The following KCNN3 variants were observed in gnomAD, a reference collection of about 807,000 sequenced individuals.
KCNN3 encodes the protein potassium calcium-activated channel subfamily N member 3.
In KCNN3, 16 loss-of-function variants were observed where a neutral mutation model predicts 62.9. The observed-to-expected ratio is 0.25, with a 90% CI of 0.17 to 0.39. The LOEUF (loss-of-function observed/expected upper bound fraction) is 0.39. Ranked by LOEUF, KCNN3 falls within the 10% of genes least tolerant of loss-of-function variation. KCNN3 has a pLI of 1.00. For synonymous variants in KCNN3, 370 were observed against 389.2 expected, an observed-to-expected ratio of 0.95 and a Z score of 0.58; for missense variants, 599 against 949.4, an observed-to-expected ratio of 0.63 and a Z score of 4.85.
chr1:154,771,941 A>G, intron 3 of KCNN3, 34 bp downstream of exon 3: 2 of 1,609,440 alleles, frequency 1.2e-6, no homozygotes, highest in Non-Finnish European at 1.7e-6. Flanking sequence ...GTCCCAGCAC[A>G]GGCTCTGTAC....
chr1:154,763,224 T>C (rs948953531), intron 3 of KCNN3, among the ~76,000 whole-genome samples: 1 of 152,200 alleles, frequency 6.6e-6, no homozygotes, highest in Non-Finnish European at 1.5e-5. Flanking sequence ...TTTTAGAAGT[T>C]GGTATCTTTT....
chr1:154,771,525 A>C (rs374486301), intron 3 of KCNN3, among the ~76,000 whole-genome samples: 9 of 152,360 alleles, frequency 5.9e-5, no homozygotes, highest in African/African-American at 2.2e-4. Context: ...GCAAGGTACC[A>C]ATAGTGCTTT....
At chr1:154,743,169 T>C (rs1267422809) in intron 3 of KCNN3, among the ~76,000 whole-genome samples, 1 of 147,332 alleles carries the variant, frequency 6.8e-6, no homozygotes, top group Non-Finnish European at 1.5e-5. Flanking sequence ...TCCTCTCACC[T>C]GGACCAGCCC....
intron 5 of KCNN3, among the ~76,000 whole-genome samples, chr1:154,718,953 A>T (rs1005700713): frequency 6.6e-6 from 1 of 152,182 alleles, no homozygotes; most frequent in Admixed American, 6.5e-5. Flanking sequence ...GAAAACATAC[A>T]ACAGAACACA....
At position 154,700,484 on chromosome 1, in the gene KCNN3, G is replaced by C. The variant is rs893566633; in HGVS notation, c.*7492C>G. 6.6e-6 allele frequency: 1 copy of C among 152,206 alleles called. No individual in the cohort carries two copies. The highest frequency in any genetic ancestry group is 1.5e-5 in the Non-Finnish European group (1 of 68,032). 9.4% of individuals were successfully genotyped at this position (152,206 alleles called of 1,614,324 possible). ...ATATATTTGCTCTTTATAAATGTAAGTCTTGGTCTGAGCAGTGTTAGAAGG... is the reference window on the plus strand; with the variant it reads ...ATATATTTGCTCTTTATAAATGTAACTCTTGGTCTGAGCAGTGTTAGAAGG... On this transcript the variant is annotated 3_prime_UTR_variant, in exon 8 of 8. Transcript: ENST00000271915.
intron 2 of KCNN3, among the ~76,000 whole-genome samples, chr1:154,807,529 C>T (rs928552533): frequency 2.0e-5 from 3 of 152,154 alleles, no homozygotes; most frequent in Non-Finnish European, 1.5e-5. Flanking sequence ...TTTCCAGCCA[C>T]CCCACCAAAC....
intron 1 of KCNN3, among the ~76,000 whole-genome samples, chr1:154,822,831 G>A (rs1650958334): frequency 6.6e-6 from 1 of 152,200 alleles, no homozygotes; most frequent in Non-Finnish European, 1.5e-5. Flanking sequence ...CTAGGGATTA[G>A]GTGGGGGAGG....
intron 5 of KCNN3, among the ~76,000 whole-genome samples, chr1:154,721,356 G>A (rs1446407130): frequency 2.8e-5 from 4 of 144,118 alleles, no homozygotes; most frequent in African/African-American, 1.0e-4. Context: ...CTGGAGTGCA[G>A]TGGCACGATC....
At chr1:154,739,576 C>G (rs1700785544) in intron 3 of KCNN3, among the ~76,000 whole-genome samples, 1 of 152,210 alleles carries the variant, frequency 6.6e-6, no homozygotes, top group South Asian at 2.1e-4. Flanking sequence ...ACCTCGATAT[C>G]CCCCCTCCTC....
chr1:154,757,269 ACTT>A (rs1422920835), intron 3 of KCNN3, among the ~76,000 whole-genome samples: 15 of 152,160 alleles, frequency 9.9e-5, no homozygotes, highest in Admixed American at 9.8e-4. Flanking sequence ...AGAGAAATGG[ACTT>A]CAGGCCAGCC....
rs751179183 is a variant in KCNN3, at chr1:154,869,325, T to C, written c.640A>G (p.Ser214Gly). The change falls in exon 1 of 8, where the codon AGC (serine) becomes GGC (glycine). Residue 214 changes from serine (S) to glycine (G), a missense_variant. Ser to Gly is a moderately conservative substitution (Grantham distance 56). Coordinates refer to ENST00000271915, the MANE Select transcript of KCNN3 (RefSeq NM_002249.6). The surrounding 1 kb of genome is among the most constrained non-coding windows in gnomAD (Gnocchi z 6.1). ...GAGATGACGATCTCCGGGGGGTTGC[T>C]AGGGCTGAAAAGCTGGAGGGGTTGG... ...EGQPLQLFSPSNPPEIVISSR... is the reference protein window; with the variant it reads ...EGQPLQLFSPGNPPEIVISSR... 10 of 1,613,708 alleles carry C rather than the reference T, an allele frequency of 6.2e-6. No individual in the cohort carries two copies. The highest frequency in any genetic ancestry group is 6.8e-6 in the Non-Finnish European group (8 of 1,179,698).
intron 2 of KCNN3, among the ~76,000 whole-genome samples, chr1:154,796,646 C>T (rs1164252211): frequency 6.6e-6 from 1 of 152,236 alleles, no homozygotes; most frequent in Admixed American, 6.5e-5. Flanking sequence ...ACCGATTCAA[C>T]CGATTGTGTC....
At chr1:154,748,435 A>G (rs995184819) in intron 3 of KCNN3, among the ~76,000 whole-genome samples, 11 of 152,192 alleles carry the variant, frequency 7.2e-5, no homozygotes, top group African/African-American at 2.7e-4. Flanking sequence ...GATTCTTGCA[A>G]AATACTTCCT....
chr1:154,737,551 A>G (rs1030235026), intron 3 of KCNN3, among the ~76,000 whole-genome samples: 5 of 152,174 alleles, frequency 3.3e-5, no homozygotes, highest in Non-Finnish European at 7.4e-5. Flanking sequence ...TAAACAAACA[A>G]AAAGAAGGAA....
At chr1:154,801,812 C>T (rs1253680877) in intron 2 of KCNN3, among the ~76,000 whole-genome samples, 3 of 152,154 alleles carry the variant, frequency 2.0e-5, no homozygotes, top group Admixed American at 6.5e-5. Flanking sequence ...TGCACAACCC[C>T]GGAGTGAAAG....
At chr1:154,825,491 C>T (rs1651069388) in intron 1 of KCNN3, among the ~76,000 whole-genome samples, 1 of 150,818 alleles carries the variant, frequency 6.6e-6, no homozygotes. Flanking sequence ...TCAGTCTCCC[C>T]AGCAGCTGGG....
Position 154,707,919 on chromosome 1 carries a change from A to G in KCNN3, c.*57T>C. ...TTCTTGATGGCAAAGCGACCAGGAGAGAGTTGATTTGCATCTTAAGACCTA... is the reference window on the plus strand; with the variant it reads ...TTCTTGATGGCAAAGCGACCAGGAGGGAGTTGATTTGCATCTTAAGACCTA... On this transcript the variant is annotated 3_prime_UTR_variant, in exon 8 of 8. Coordinates refer to ENST00000271915, the MANE Select transcript of KCNN3 (RefSeq NM_002249.6). 1.3e-6 allele frequency: 2 copies of G among 1,547,444 alleles called. No homozygotes were observed. Among genetic ancestry groups the G allele is most frequent in the Admixed American group, 3.6e-5 (2 of 55,088 alleles).
intron 2 of KCNN3, among the ~76,000 whole-genome samples, chr1:154,816,011 G>C (rs1329697133): frequency 6.6e-6 from 1 of 152,206 alleles, no homozygotes; most frequent in Non-Finnish European, 1.5e-5. Context: ...TATGCCACAG[G>C]AAGTGAGGCT....
intron 2 of KCNN3, among the ~76,000 whole-genome samples, chr1:154,775,368 G>A (rs1012473343): frequency 6.6e-6 from 1 of 152,104 alleles, no homozygotes; most frequent in Non-Finnish European, 1.5e-5. Context: ...GCACAGACAG[G>A]GGAGGCAGCA....
Sources: gnomAD v4.1 joint callset for allele counts (sites outside exome capture counted in the v4.1 genomes callset) on GRCh38, gnomAD v4.1.1 for gene constraint, Gnocchi (gnomAD v3.1) non-coding constraint, MANE v1.5 for transcripts, NCBI Gene and HGNC (gene_info 2026-07-23, HGNC 2026-07-21) for gene names.